Variants in ENPEP observed in about 807,000 individuals in gnomAD.
ENPEP encodes the protein glutamyl aminopeptidase.
Under a neutral mutation model 114.5 loss-of-function variants are expected in ENPEP, and 103 were observed. The observed-to-expected ratio is 0.90, with a 90% CI of 0.77 to 1.06. The LOEUF is 1.06. Ranked by LOEUF, ENPEP falls within the 50% of genes least tolerant of loss-of-function variation. The pLI is 0.00. For synonymous variants in ENPEP, 420 were observed against 422.0 expected (o/e 1.00, Z 0.06); for missense variants, 1,196 against 1,161.3 (o/e 1.03, Z -0.43).
intron 11 of ENPEP, among the ~76,000 whole-genome samples, chr4:110,536,479 A>G (rs1005676971): frequency 6.6e-6 from 1 of 152,186 alleles, no homozygotes. Context: ...AAGTGCATCT[A>G]TTACTTCTGC....
chr4:110,509,233 C>G (rs1725484442), intron 4 of ENPEP, among the ~76,000 whole-genome samples: 1 of 152,136 alleles, frequency 6.6e-6, no homozygotes, highest in Non-Finnish European at 1.5e-5. Context: ...GTTTTATATT[C>G]TTGAATAATC....
At chr4:110,512,972 G>A (rs1247880565) in intron 6 of ENPEP, 3 of 153,270 alleles carry the variant, frequency 2.0e-5, no homozygotes, top group Non-Finnish European at 4.4e-5. Context: ...TAATTATGAA[G>A]TATCCAAATT....
At chr4:110,485,157 G>C (rs1317715623) in intron 1 of ENPEP, among the ~76,000 whole-genome samples, 2 of 152,166 alleles carry the variant, frequency 1.3e-5, no homozygotes, top group Non-Finnish European at 2.9e-5. Context: ...GGCTTTTTTA[G>C]AGTCTGATAT....
At position 110,476,947 on chromosome 4, in the gene ENPEP, C is replaced by T. The variant is rs1421847404; in HGVS notation, c.533C>T (p.Thr178Ile). ...GTGGTCGAGGCGGAGGAAGAGCTTACCCCCAGCAGTGGAGATGGCCTGTAT... is the reference window on the plus strand; with the variant it reads ...GTGGTCGAGGCGGAGGAAGAGCTTATCCCCAGCAGTGGAGATGGCCTGTAT... ...YVVVEAEEEL[T>I]PSSGDGLYLL... Residue 178 changes from threonine to isoleucine, a missense_variant, in exon 1 of 20, where the codon ACC becomes ATC. Transcript: ENST00000265162. 4 of 1,614,002 alleles carry T rather than the reference C, an allele frequency of 2.5e-6. No individual in the cohort carries two copies. The highest frequency in any genetic ancestry group is 4.5e-5 in the East Asian group (2 of 44,880).
chr4:110,559,634 A>G lies in ENPEP; in HGVS notation c.2643-13A>G. ...AGCACTTACACTTCCTTTTACTCTA[A>G]ATTTCTCTCCAGATATACACTCAAT... is the stretch of plus-strand genomic sequence containing the variant. On this transcript the variant is annotated splice_polypyrimidine_tract_variant and intron_variant, in intron 18 of 19. Transcript: ENST00000265162. The G allele has an allele frequency of 6.3e-7, 1 of 1,595,822 alleles. No homozygotes were observed. The highest frequency in any genetic ancestry group is 8.6e-7 in the Non-Finnish European group (1 of 1,164,516).
chr4:110,559,952 C>T (rs1727624856), intron 19 of ENPEP, among the ~76,000 whole-genome samples: 1 of 152,100 alleles, frequency 6.6e-6, no homozygotes, highest in Non-Finnish European at 1.5e-5. Flanking sequence ...TTTCTCCCCA[C>T]CCCCTGACAG....
chr4:110,562,557 C>T lies in ENPEP; in HGVS notation c.*999C>T, dbSNP rs1212861615. ...GAAAATGGGGAGACCTGTGGGCATC[C>T]CCAGCATGACTCTGCATATCTGAGC... is the stretch of plus-strand genomic sequence containing the variant. On this transcript the variant is annotated 3_prime_UTR_variant, in exon 20 of 20. Transcript: ENST00000265162. 6.6e-6 allele frequency: 1 copy of T among 152,120 alleles called. No individual in the cohort carries two copies. Among genetic ancestry groups the T allele is most frequent in the Non-Finnish European group, 1.5e-5 (1 of 67,990 alleles). The allele number at this position is 152,120 out of a possible 1,614,324, so 9.4% of individuals were successfully genotyped here. A position where few individuals can be genotyped will look rare whatever the true frequency, so the allele number is the denominator to read the frequency against.
At position 110,562,285 on chromosome 4, in the gene ENPEP, G is replaced by A. The variant is rs577571952; in HGVS notation, c.*727G>A. Reference sequence around the variant, plus strand: ...TGTTCCCCAAATAATTTAACACATTGCAAATATGATTCAAGAATCTGGCCT... The same window carrying A: ...TGTTCCCCAAATAATTTAACACATTACAAATATGATTCAAGAATCTGGCCT... On this transcript the variant is annotated 3_prime_UTR_variant, in exon 20 of 20. Transcript: ENST00000265162. The A allele has an allele frequency of 6.6e-6, 1 of 152,210 alleles. No homozygotes were observed. The highest frequency in any genetic ancestry group is 2.1e-4 in the South Asian group (1 of 4,824). 9.4% of individuals were successfully genotyped at this position (152,210 alleles called of 1,614,324 possible).
At chr4:110,539,420 T>A (rs1056187667) in intron 11 of ENPEP, among the ~76,000 whole-genome samples, 1 of 152,210 alleles carries the variant, frequency 6.6e-6, no homozygotes, top group Non-Finnish European at 1.5e-5. Context: ...TCATGTTAGC[T>A]TTAGTTTCAG....
intron 18 of ENPEP, 107 bp downstream of exon 18, chr4:110,553,562 A>G: frequency 9.1e-7 from 1 of 1,095,546 alleles, no homozygotes. Flanking sequence ...AATATCTAAA[A>G]TGGCATTATT....
Position 110,488,556 on chromosome 4 carries a change from C to T in ENPEP, c.660C>T (p.Thr220=), listed in dbSNP as rs141791964. 43 of 1,611,702 alleles carry T rather than the reference C, an allele frequency of 2.7e-5. No homozygotes were observed. The highest frequency in any genetic ancestry group is 5.5e-5 in the South Asian group (5 of 90,750). Residue 220 remains threonine (T), a synonymous_variant, in exon 2 of 20, where the codon ACC becomes ACT. Transcript: ENST00000265162. ...TGTTTCTAAGGAGCATAGTGGCCAC[C>T]GATCATGAACCAACAGATGCCAGGA... ...ENGQVKSIVA[T]DHEPTDARKS...
chr4:110,527,352 G>GAT (rs1726235742), intron 10 of ENPEP, among the ~76,000 whole-genome samples: 1 of 151,940 alleles, frequency 6.6e-6, no homozygotes, highest in Non-Finnish European at 1.5e-5. Flanking sequence ...AGAGAAACTG[G>GAT]GTATCCTGCT....
chr4:110,531,417 C>T, intron 11 of ENPEP, 140 bp downstream of exon 11: 2 of 602,474 alleles, frequency 3.3e-6, no homozygotes, highest in Non-Finnish European at 4.8e-6. Flanking sequence ...ATTGATGATT[C>T]CAAATCTTCA....
At chr4:110,498,960 C>A (rs1725050186) in intron 3 of ENPEP, among the ~76,000 whole-genome samples, 1 of 152,080 alleles carries the variant, frequency 6.6e-6, no homozygotes, top group African/African-American at 2.4e-5. Context: ...TGCTTTTTTC[C>A]TGGCCTTCTG....
intron 3 of ENPEP, among the ~76,000 whole-genome samples, chr4:110,498,041 G>A (rs16997154): frequency 0.37 from 56,356 of 151,962 alleles, 11,141 homozygotes; most frequent in East Asian, 0.51. Context: ...TCTCATCCTG[G>A]CTACCTCAGT....
intron 9 of ENPEP, 21 bp from the exon 10 acceptor site, chr4:110,520,194 C>G (rs367712724): frequency 6.2e-7 from 1 of 1,609,036 alleles, no homozygotes; most frequent in Non-Finnish European, 8.5e-7. Flanking sequence ...TAATTAATCT[C>G]CATTTTGTTT....
At chr4:110,527,537 T>A (rs1021907728) in intron 10 of ENPEP, among the ~76,000 whole-genome samples, 5 of 152,144 alleles carry the variant, frequency 3.3e-5, no homozygotes, top group African/African-American at 1.2e-4. Flanking sequence ...GAGAAAACAT[T>A]TGTTTTTCAC....
intron 3 of ENPEP, among the ~76,000 whole-genome samples, chr4:110,495,126 A>C (rs2881913): frequency 0.59 from 89,006 of 151,798 alleles, 26,305 homozygotes; most frequent in East Asian, 0.68. Flanking sequence ...TGTCATGAAC[A>C]TGAGAGTTCA....
chr4:110,542,418 G>A (rs913884968), intron 11 of ENPEP, among the ~76,000 whole-genome samples: 1 of 152,026 alleles, frequency 6.6e-6, no homozygotes, highest in Admixed American at 6.6e-5. Context: ...GGACTTCTCT[G>A]TCTCGAGGCA....
Sources: allele counts gnomAD v4.1 joint callset (sites outside exome capture counted in the v4.1 genomes callset), GRCh38; gene constraint gnomAD v4.1.1; transcripts MANE v1.5; gene names NCBI Gene and HGNC (gene_info 2026-07-23, HGNC 2026-07-21).